The following MECOM variants were observed in gnomAD, a reference collection of about 807,000 sequenced individuals.
MECOM encodes the protein histone-lysine N-methyltransferase MECOM.
MECOM carries 13 observed loss-of-function variants against 116.3 expected under a neutral mutation model. The observed-to-expected ratio is 0.11, with a 90% confidence interval of 0.07 to 0.18. The LOEUF is 0.18. Ranked by LOEUF, MECOM falls within the 10% of genes least tolerant of loss-of-function variation. The pLI, the probability that MECOM is intolerant of heterozygous loss-of-function variation, is 1.00. For synonymous variants in MECOM, 528 were observed against 535.2 expected (o/e 0.99, Z 0.19); for missense variants, 1,299 against 1,509.0 (o/e 0.86, Z 2.31).
intron 2 of MECOM, among the ~76,000 whole-genome samples, chr3:169,357,860 AAAG>A (rs921323536): frequency 6.6e-6 from 1 of 151,844 alleles, no homozygotes; most frequent in African/African-American, 2.4e-5. Flanking sequence ...GAGGTGAGGA[AAAG>A]AAGTCTATCA....
chr3:169,186,849 C>T (rs1464350526), intron 2 of MECOM, among the ~76,000 whole-genome samples: 2 of 151,948 alleles, frequency 1.3e-5, no homozygotes, highest in African/African-American at 4.8e-5. Context: ...GAGCTGCAGT[C>T]GTCTTTACGT....
At chr3:169,408,471 T>C (rs1284269758) in intron 1 of MECOM, among the ~76,000 whole-genome samples, 1 of 152,188 alleles carries the variant, frequency 6.6e-6, no homozygotes, top group Non-Finnish European at 1.5e-5. Flanking sequence ...CAGGAATTAA[T>C]ATGCAGTAAA....
intron 1 of MECOM, among the ~76,000 whole-genome samples, chr3:169,543,327 C>T (rs906066070): frequency 6.6e-6 from 1 of 152,180 alleles, no homozygotes; most frequent in African/African-American, 2.4e-5. Context: ...GCAGTTCCAG[C>T]ACTTTGGGAG....
Position 169,121,195 on chromosome 3 carries a change from A to G in MECOM, c.993T>C (p.Pro331=). 2.5e-6 allele frequency: 4 copies of G among 1,610,850 alleles called. No homozygotes were observed. Among genetic ancestry groups the G allele is most frequent in the Non-Finnish European group, 3.4e-6 (4 of 1,178,370 alleles). ...CENCAKVFTD[P]SNLQRHIRSQ... ...AGCGAATGTGCCGCTGAAGGTTGCT[A>G]GGGTCCGTGAAAACCTGCTAGGAAA... The change falls in exon 7 of 17, where the codon CCT becomes CCC. Residue 331 remains proline (P), a synonymous_variant. Transcript: ENST00000651503.
Position 169,388,200 on chromosome 3 carries a change from G to A in MECOM, c.38-6676C>T, listed in dbSNP as rs144009907. Among the ~76,000 whole-genome samples the A allele has an allele frequency of 4.6e-4, 70 of 152,224 alleles. No individual in the cohort carries two copies. The East Asian group carries it at 0.011, about 24-fold the overall frequency. On this transcript the variant is annotated intron_variant, in intron 1 of 16. Coordinates refer to ENST00000651503, the MANE Select transcript of MECOM (RefSeq NM_004991.4). ...ATGAGCTGATGCCTGCTAACAGTGCGGCAGGGAAGGGAGGGGGAAGACATC... is the reference window on the plus strand; with the variant it reads ...ATGAGCTGATGCCTGCTAACAGTGCAGCAGGGAAGGGAGGGGGAAGACATC...
intron 1 of MECOM, among the ~76,000 whole-genome samples, chr3:169,577,220 A>G (rs1965029): frequency 0.3 from 45,849 of 152,048 alleles, 8,040 homozygotes; most frequent in East Asian, 0.7. Flanking sequence ...TATAAAGAAA[A>G]CTTAGTACAG....
intron 1 of MECOM, among the ~76,000 whole-genome samples, chr3:169,458,350 G>A (rs1746857908): frequency 6.6e-6 from 1 of 152,184 alleles, no homozygotes; most frequent in Non-Finnish European, 1.5e-5. Flanking sequence ...ATTAAACACA[G>A]AGAGCTGTGG....
At chr3:169,188,538 A>T (rs572014999) in intron 2 of MECOM, among the ~76,000 whole-genome samples, 42 of 151,970 alleles carry the variant, frequency 2.8e-4, no homozygotes, top group Non-Finnish European at 4.9e-4. Flanking sequence ...AATAACTATG[A>T]TGTATGACCA....
At chr3:169,563,663 G>C (rs1762911363) in intron 1 of MECOM, among the ~76,000 whole-genome samples, 1 of 152,136 alleles carries the variant, frequency 6.6e-6, no homozygotes, top group African/African-American at 2.4e-5. Flanking sequence ...CGAGGAACTT[G>C]ATTATAATAG....
rs761148866 is a variant in MECOM, at chr3:169,115,671, T to G, written c.2201A>C (p.Gln734Pro). 7.4e-6 allele frequency: 12 copies of G among 1,614,184 alleles called. No individual in the cohort carries two copies. The highest frequency in any genetic ancestry group is 9.3e-6 in the Non-Finnish European group (11 of 1,180,040). Residue 734 changes from glutamine (Q) to proline (P), a missense_variant, in exon 8 of 17, where the codon CAG becomes CCG. Physicochemically the swap from Gln to Pro is moderately conservative, Grantham distance 76. Around this residue, in one of 6 missense-constraint regions of MECOM, gnomAD observed 340 missense variants for 312.6 expected, o/e 1.09. Coordinates refer to ENST00000651503, the MANE Select transcript of MECOM (RefSeq NM_004991.4). Reference protein sequence around the residue: ...PQSPGEVKKLQKGSSESPFDL... With the variant: ...PQSPGEVKKLPKGSSESPFDL... ...AAAGGGGGACTCAGAGCTGCCCTTC[T>G]GCAGTTTCTTTACTTCACCTGGTGA... is the stretch of plus-strand genomic sequence containing the variant.
intron 1 of MECOM, among the ~76,000 whole-genome samples, chr3:169,404,846 G>A (rs1736437943): frequency 6.6e-6 from 1 of 152,190 alleles, no homozygotes; most frequent in Non-Finnish European, 1.5e-5. Flanking sequence ...GCCCCCAGAA[G>A]AAGCACAGAG....
In MECOM at chr3:169,151,232, A is replaced by G. The variant is rs77936819; in HGVS notation, c.376-7400T>C. 8.3e-3 allele frequency among the ~76,000 whole-genome samples: 1,257 copies of G among 152,334 alleles called. 8 individuals carry two copies. Among genetic ancestry groups the G allele is most frequent in the South Asian group, 0.021 (101 of 4,830 alleles). On this transcript the variant is annotated intron_variant, in intron 2 of 16. Transcript: ENST00000651503. ...AGCCAAAGCCAGATGAAATGACTGC[A>G]CTGTCCACTTTTAATAGGCTTCCTG...
At chr3:169,131,663 C>G (rs866211476) in intron 3 of MECOM, 132 bp from the exon 4 acceptor site, 24 of 728,958 alleles carry the variant, frequency 3.3e-5, no homozygotes, top group Non-Finnish European at 4.4e-5. Flanking sequence ...TCTTTTTTAT[C>G]AAAAGAAGTG....
At chr3:169,569,067 A>G (rs1763581391) in intron 1 of MECOM, among the ~76,000 whole-genome samples, 1 of 152,130 alleles carries the variant, frequency 6.6e-6, no homozygotes, top group African/African-American at 2.4e-5. Flanking sequence ...AAGAGTCAAG[A>G]CCCATCGGTG....
At chr3:169,321,197 C>T (rs1720790424) in intron 2 of MECOM, among the ~76,000 whole-genome samples, 1 of 152,180 alleles carries the variant, frequency 6.6e-6, no homozygotes, top group South Asian at 2.1e-4. Context: ...TAAACTACTA[C>T]ATTAAAAGTA....
chr3:169,649,713 C>T lies in MECOM; in HGVS notation c.37+13623G>A, dbSNP rs569538568. Among the ~76,000 whole-genome samples the T allele has an allele frequency of 4.6e-5, 7 of 152,120 alleles. No individual in the cohort carries two copies. In the South Asian group the frequency reaches 1.5e-3, roughly 32 times the overall value. Reference sequence around the variant, plus strand: ...TTTGAAAAATGTTAATAGAGTAATGCCCTCATGGAACAACCAGTAAACATC... The same window carrying T: ...TTTGAAAAATGTTAATAGAGTAATGTCCTCATGGAACAACCAGTAAACATC... On this transcript the variant is annotated intron_variant, in intron 1 of 16. Transcript: ENST00000651503.
At chr3:169,282,339 T>C (rs2149680339) in intron 2 of MECOM, among the ~76,000 whole-genome samples, 1 of 152,256 alleles carries the variant, frequency 6.6e-6, no homozygotes, top group South Asian at 2.1e-4. Flanking sequence ...TGAAGTGCGA[T>C]TTGAGGGATA....
At chr3:169,530,225 A>G (rs1168473135) in intron 1 of MECOM, among the ~76,000 whole-genome samples, 1 of 152,212 alleles carries the variant, frequency 6.6e-6, no homozygotes, top group East Asian at 1.9e-4. Context: ...TGATGTTTAC[A>G]TGAATCACTT....
At chr3:169,201,597 T>C (rs560194719) in intron 2 of MECOM, among the ~76,000 whole-genome samples, 1 of 152,228 alleles carries the variant, frequency 6.6e-6, no homozygotes, top group African/African-American at 2.4e-5. Flanking sequence ...CAAAGCCTAG[T>C]TGTACATTTC....
Sources: gnomAD v4.1 joint callset for allele counts (sites outside exome capture counted in the v4.1 genomes callset) on GRCh38, gnomAD v4.1.1 for gene constraint, gnomAD v4.1.1 regional missense constraint, MANE v1.5 for transcripts, NCBI Gene and HGNC (gene_info 2026-07-23, HGNC 2026-07-21) for gene names.